CACNA1C: variants seen among roughly 807,000 people sequenced by gnomAD.
CACNA1C encodes the protein voltage-dependent L-type calcium channel subunit alpha-1C.
CACNA1C carries 30 observed loss-of-function variants against 229.0 expected under a neutral mutation model. That is an observed-to-expected ratio of 0.13 (90% confidence interval 0.10 to 0.18). The LOEUF (loss-of-function observed/expected upper bound fraction) is 0.18, where lower values mean the gene tolerates loss of function less well. Among genes scored for constraint, CACNA1C ranks in the 10% least tolerant of loss-of-function variants. The pLI is 1.00. For missense variants in CACNA1C, 1,658 were observed against 2,845.0 expected (o/e 0.58, Z 9.49); for synonymous variants, 1,114 against 1,132.5 (o/e 0.98, Z 0.33).
intron 3 of CACNA1C, among the ~76,000 whole-genome samples, chr12:2,317,056 T>G (rs923875302): frequency 1.3e-5 from 2 of 152,244 alleles, no homozygotes; most frequent in Admixed American, 1.3e-4. Context: ...CGTTGGGCAT[T>G]GCTAGTGGGA....
Position 2,545,369 on chromosome 12 carries a change from G to T in CACNA1C, c.1391-4574G>T, listed in dbSNP as rs56840597. On this transcript the variant is annotated intron_variant, in intron 9 of 46. Coordinates refer to ENST00000399655, the MANE Select transcript of CACNA1C (RefSeq NM_000719.7). ...TGTAAGAGGATCGGCTTTGATGGTG[G>T]CTCTCAATTGGTCATCGTCAACTTC... 1.9e-3 allele frequency among the ~76,000 whole-genome samples: 291 copies of T among 152,128 alleles called. 11 individuals carry two copies. In the East Asian group the frequency reaches 0.05, roughly 26 times the overall value.
At chr12:2,626,093 C>T (rs548697245) in intron 29 of CACNA1C, among the ~76,000 whole-genome samples, 7 of 152,218 alleles carry the variant, frequency 4.6e-5, no homozygotes, top group Non-Finnish European at 8.8e-5. Context: ...GAAGTGAAGG[C>T]GGTCTATCAT....
rs1203927926 is a variant in CACNA1C, at chr12:2,152,849, A to T, written c.477+32419A>T. On this transcript the variant is annotated intron_variant, in intron 3 of 46. Coordinates refer to ENST00000399655, the MANE Select transcript of CACNA1C (RefSeq NM_000719.7). This position sits in a 1 kb window ranked among gnomAD's most constrained non-coding sequence, Gnocchi z 4.2. ...CACCCACAGGACTGGTGTGCCCGGT[A>T]GGAAAGATTGGTAGGTCCCACTGGT... Among the ~76,000 whole-genome samples, 1 of 152,166 alleles carries T rather than the reference A, an allele frequency of 6.6e-6. No individual in the cohort carries two copies. The highest frequency in any genetic ancestry group is 1.5e-5 in the Non-Finnish European group (1 of 68,034).
At chr12:1,985,493 A>G (rs2037434607) in intron 1 of CACNA1C, among the ~76,000 whole-genome samples, 1 of 152,128 alleles carries the variant, frequency 6.6e-6, no homozygotes, top group Non-Finnish European at 1.5e-5. Flanking sequence ...CTATCTTTCC[A>G]TTCTTTTCAA....
At chr12:2,276,870 C>T (rs1267111404) in intron 3 of CACNA1C, among the ~76,000 whole-genome samples, 1 of 152,000 alleles carries the variant, frequency 6.6e-6, no homozygotes, top group African/African-American at 2.4e-5. Flanking sequence ...GAAGCTGGGG[C>T]CTGAATCACT....
Position 2,601,151 on chromosome 12 carries a change from A to G in CACNA1C, c.2854-703A>G, listed in dbSNP as rs2153400875. On this transcript the variant is annotated intron_variant, in intron 21 of 46. Transcript: ENST00000399655. The surrounding 1 kb of genome is among the most constrained non-coding windows in gnomAD (Gnocchi z 5.9). Reference sequence around the variant, plus strand: ...TAAAGAACTCCAGATGTAGTCTAGAAGCAGGACAGTAGAATTGAGTTTAGA... The same window carrying G: ...TAAAGAACTCCAGATGTAGTCTAGAGGCAGGACAGTAGAATTGAGTTTAGA... Among the ~76,000 whole-genome samples, 1 of 152,348 alleles carries G rather than the reference A, an allele frequency of 6.6e-6. No individual in the cohort carries two copies. Among genetic ancestry groups the G allele is most frequent in the South Asian group, 2.1e-4 (1 of 4,830 alleles).
chr12:2,634,839 C>T (rs1024849374), intron 30 of CACNA1C, among the ~76,000 whole-genome samples: 1 of 152,172 alleles, frequency 6.6e-6, no homozygotes, highest in African/African-American at 2.4e-5. Flanking sequence ...GAAGGGAGCT[C>T]TCTCAAAGTG....
At chr12:2,214,807 G>A (rs555613128) in intron 3 of CACNA1C, among the ~76,000 whole-genome samples, 1 of 133,480 alleles carries the variant, frequency 7.5e-6, no homozygotes, top group African/African-American at 2.7e-5. Context: ...TCTAGTTAGC[G>A]CACATGGTTG....
Position 2,488,742 on chromosome 12 carries a change from C to CTCACTCAT in CACNA1C, c.916+2483_916+2490dup. 6.6e-6 allele frequency among the ~76,000 whole-genome samples: 1 copy of CTCACTCAT among 152,308 alleles called. No homozygotes were observed. The highest frequency in any genetic ancestry group is 1.9e-4 in the East Asian group (1 of 5,188). The stretch of plus-strand genomic sequence containing the variant: ...CTGCCAGGCTCCATGAGAAGGTGGC[C>CTCACTCAT]TCACTCATTCGCTGGAGTCAGAGTC... On this transcript the variant is annotated intron_variant, in intron 6 of 46. Transcript: ENST00000399655. This position sits in a 1 kb window ranked among gnomAD's most constrained non-coding sequence, Gnocchi z 4.0.
At chr12:2,430,525 T>C (rs1052613092) in intron 3 of CACNA1C, among the ~76,000 whole-genome samples, 1 of 152,092 alleles carries the variant, frequency 6.6e-6, no homozygotes, top group East Asian at 1.9e-4. Context: ...CACACTTGCC[T>C]TGAGTTTGCT....
intron 3 of CACNA1C, among the ~76,000 whole-genome samples, chr12:2,147,477 C>T (rs2094830024): frequency 6.6e-6 from 1 of 151,084 alleles, no homozygotes; most frequent in Non-Finnish European, 1.5e-5. Flanking sequence ...TGGGGCTTTG[C>T]CAGAATTATC....
chr12:2,149,988 A>G (rs776210722), intron 3 of CACNA1C, among the ~76,000 whole-genome samples: 10 of 152,194 alleles, frequency 6.6e-5, no homozygotes, highest in Non-Finnish European at 1.2e-4. Flanking sequence ...CTAGTGATGC[A>G]TGGGGTGTCC....
rs978707409 is a variant in CACNA1C at position 2,403,893 on chromosome 12, C to T, written c.478-45083C>T. On this transcript the variant is annotated intron_variant, in intron 3 of 46. Transcript: ENST00000399655. This position sits in a 1 kb window ranked among gnomAD's most constrained non-coding sequence, Gnocchi z 4.1. ...GCCCCAGGGACTTTCTCAGAGATGC[C>T]TGTTTCCACCTAGAGGAAAGACTTA... 2.6e-5 allele frequency among the ~76,000 whole-genome samples: 4 copies of T among 152,212 alleles called. No homozygotes were observed. Among genetic ancestry groups the T allele is most frequent in the African/African-American group, 9.6e-5 (4 of 41,456 alleles).
At chr12:2,038,170 A>G (rs991053227) in intron 1 of CACNA1C, among the ~76,000 whole-genome samples, 1 of 152,168 alleles carries the variant, frequency 6.6e-6, no homozygotes, top group Non-Finnish European at 1.5e-5. Flanking sequence ...AATAATTCCT[A>G]TGAAGCTGTT....
chr12:2,156,922 A>G (rs1165802630), intron 3 of CACNA1C, among the ~76,000 whole-genome samples: 2 of 152,218 alleles, frequency 1.3e-5, no homozygotes, highest in African/African-American at 2.4e-5. Context: ...GGAAAGCTGG[A>G]AAGTAGATGG....
chr12:2,052,071 G>A (rs975258198), upstream of CACNA1C, among the ~76,000 whole-genome samples: 1 of 152,200 alleles, frequency 6.6e-6, no homozygotes, highest in Non-Finnish European at 1.5e-5. Flanking sequence ...AGGGGGTGCC[G>A]TGGAACTTGC....
chr12:2,160,196 G>T (rs1271939735), intron 3 of CACNA1C, among the ~76,000 whole-genome samples: 1 of 152,202 alleles, frequency 6.6e-6, no homozygotes, highest in South Asian at 2.1e-4. Flanking sequence ...GTGGTGAGTT[G>T]TCAGAAGTGG....
chr12:2,349,650 A>G (rs1018696194), intron 3 of CACNA1C, among the ~76,000 whole-genome samples: 2 of 152,108 alleles, frequency 1.3e-5, no homozygotes, highest in Admixed American at 6.5e-5. Context: ...TGCAGAGGGT[A>G]GGAAGAGCTC....
intron 3 of CACNA1C, among the ~76,000 whole-genome samples, chr12:2,385,268 C>T (rs569721698): frequency 6.6e-6 from 1 of 152,228 alleles, no homozygotes; most frequent in East Asian, 1.9e-4. Context: ...GGAAGACCGG[C>T]CCCCTCAGAT....
Sources: gnomAD v4.1 joint callset for allele counts (sites outside exome capture counted in the v4.1 genomes callset) on GRCh38, gnomAD v4.1.1 for gene constraint, Gnocchi (gnomAD v3.1) non-coding constraint, MANE v1.5 for transcripts, NCBI Gene and HGNC (gene_info 2026-07-23, HGNC 2026-07-21) for gene names.